Variants in PIK3C2G observed in about 807,000 individuals in gnomAD.
The protein encoded by PIK3C2G is phosphatidylinositol 3-kinase C2 domain-containing subunit gamma.
In PIK3C2G, 168 loss-of-function variants were observed where a neutral mutation model predicts 181.1. The ratio of observed to expected loss-of-function variants is 0.93; its 90% CI spans 0.82 to 1.05. PIK3C2G has a LOEUF of 1.05. PIK3C2G is among the 50% of genes least tolerant of loss of function. The pLI, the probability that PIK3C2G is intolerant of heterozygous loss-of-function variation, is 0.00. For missense variants in PIK3C2G, 1,869 were observed against 1,732.8 expected, an observed-to-expected ratio of 1.08 and a Z score of -1.40; for synonymous variants, 573 against 592.2, an observed-to-expected ratio of 0.97 and a Z score of 0.47.
At chr12:18,532,726 G>A (rs372947055) in intron 24 of PIK3C2G, among the ~76,000 whole-genome samples, 2 of 152,106 alleles carry the variant, frequency 1.3e-5, no homozygotes, top group Admixed American at 6.5e-5. Flanking sequence ...GTCTCTGACA[G>A]TACCCTGTGG....
intron 1 of PIK3C2G, among the ~76,000 whole-genome samples, chr12:18,279,816 T>C (rs1591813346): frequency 6.6e-6 from 1 of 152,168 alleles, no homozygotes; most frequent in East Asian, 1.9e-4. Context: ...TTGAGATTCA[T>C]TTTCTGGTTA....
intron 13 of PIK3C2G, among the ~76,000 whole-genome samples, chr12:18,373,569 G>C (rs769653818): frequency 7.2e-5 from 11 of 152,134 alleles, no homozygotes; most frequent in Non-Finnish European, 1.5e-4. Flanking sequence ...AAAAGTCTTG[G>C]CCGGGCACGG....
the PIK3C2G span, among the ~76,000 whole-genome samples, chr12:18,659,008 C>CT: frequency 6.6e-6 from 1 of 152,008 alleles, no homozygotes; most frequent in Non-Finnish European, 1.5e-5. Context: ...TGACTCAGTG[C>CT]TTTTTGGAGC....
intron 15 of PIK3C2G, among the ~76,000 whole-genome samples, chr12:18,398,312 T>C (rs140825925): frequency 2.6e-4 from 40 of 152,352 alleles, no homozygotes; most frequent in African/African-American, 9.4e-4. Flanking sequence ...AAATATGTTT[T>C]AGTAATTTTA....
At chr12:18,527,374 T>A (rs1433053567) in intron 24 of PIK3C2G, among the ~76,000 whole-genome samples, 1 of 152,168 alleles carries the variant, frequency 6.6e-6, no homozygotes, top group Non-Finnish European at 1.5e-5. Context: ...GGGGTTCAAT[T>A]TATTAAGAGA....
chr12:18,314,952 C>A (rs1280446460), intron 6 of PIK3C2G, among the ~76,000 whole-genome samples: 1 of 152,100 alleles, frequency 6.6e-6, no homozygotes. Flanking sequence ...CAGTTTCATG[C>A]TGTTAGATGC....
chr12:18,263,413 A>G (rs978121160), intron 1 of PIK3C2G, among the ~76,000 whole-genome samples: 1 of 152,124 alleles, frequency 6.6e-6, no homozygotes, highest in African/African-American at 2.4e-5. Context: ...TACTGGATAC[A>G]GTATCTTATA....
At position 18,362,893 on chromosome 12, in the gene PIK3C2G, T is replaced by A; in HGVS notation, c.1748+7T>A. ...TGGTCAACTGGAATGAAACGTAAGT[T>A]TAATCTTTACTGTATCTGGATCATT... On this transcript the variant is annotated splice_region_variant and intron_variant, in intron 12 of 32. Coordinates refer to ENST00000538779, the MANE Select transcript of PIK3C2G (RefSeq NM_001288772.2). The A allele has an allele frequency of 6.7e-7, 1 of 1,492,502 alleles. No individual in the cohort carries two copies. The highest frequency in any genetic ancestry group is 8.9e-7 in the Non-Finnish European group (1 of 1,125,616). The allele number at this position is 1,492,502 out of a possible 1,614,324, so 92.5% of individuals were successfully genotyped here. A position where few individuals can be genotyped will look rare whatever the true frequency, so the allele number is the denominator to read the frequency against.
At chr12:18,712,955 T>G in the PIK3C2G span, 1 of 1,613,872 alleles carries the variant, frequency 6.2e-7, no homozygotes. Flanking sequence ...CAGCAGTCAA[T>G]CTCCAAACAA....
intron 26 of PIK3C2G, among the ~76,000 whole-genome samples, chr12:18,554,623 C>T (rs1034378459): frequency 8.6e-5 from 13 of 151,988 alleles, no homozygotes; most frequent in African/African-American, 3.1e-4. Flanking sequence ...TGTCACTGAG[C>T]TCATTTAGGA....
At chr12:18,320,829 C>T (rs1316536232) in intron 6 of PIK3C2G, 133 bp from the exon 7 acceptor site, 1 of 600,690 alleles carries the variant, frequency 1.7e-6, no homozygotes, top group Non-Finnish European at 3.0e-6. Context: ...GTCTTTCAGA[C>T]AGAATATAAA....
rs138591242 is a variant in PIK3C2G at position 18,383,797 on chromosome 12, G to T, written c.1995+1917G>T. On this transcript the variant is annotated intron_variant, in intron 14 of 32. Transcript: ENST00000538779. Reference sequence around the variant, plus strand: ...ATCGGATATGTGAACACTTGTTTTGGTTTGGGTTTGGGTGTTTTTTTTTTG... The same window carrying T: ...ATCGGATATGTGAACACTTGTTTTGTTTTGGGTTTGGGTGTTTTTTTTTTG... Among the ~76,000 whole-genome samples, 59 of 151,184 alleles carry T rather than the reference G, an allele frequency of 3.9e-4. 1 individual carries two copies. The East Asian group carries it at 9.9e-3, about 25-fold the overall frequency.
intron 13 of PIK3C2G, among the ~76,000 whole-genome samples, chr12:18,381,071 C>T (rs1339053530): frequency 1.3e-5 from 2 of 152,110 alleles, no homozygotes; most frequent in Non-Finnish European, 2.9e-5. Flanking sequence ...TTTTTTAATT[C>T]ACATAAGGAT....
the PIK3C2G span, among the ~76,000 whole-genome samples, chr12:18,697,736 C>T: frequency 1.1e-4 from 16 of 151,866 alleles, no homozygotes; most frequent in Non-Finnish European, 2.1e-4. Flanking sequence ...TTTCACAAAC[C>T]GTTATCTTTA....
chr12:18,422,713 T>C (rs1407891814), intron 17 of PIK3C2G, among the ~76,000 whole-genome samples: 3 of 152,008 alleles, frequency 2.0e-5, no homozygotes, highest in Admixed American at 2.0e-4. Flanking sequence ...GGGTAACACA[T>C]AGATACTGGG....
At chr12:18,697,604 T>C in the PIK3C2G span, among the ~76,000 whole-genome samples, 4 of 152,134 alleles carry the variant, frequency 2.6e-5, no homozygotes, top group African/African-American at 9.7e-5. Context: ...TAGGAGGACA[T>C]CAAAGAACAA....
chr12:18,336,606 T>C (rs368484755), intron 8 of PIK3C2G, among the ~76,000 whole-genome samples: 5 of 152,182 alleles, frequency 3.3e-5, no homozygotes, highest in South Asian at 2.1e-4. Context: ...TTGACTTACA[T>C]TGAGTTCACA....
intron 13 of PIK3C2G, among the ~76,000 whole-genome samples, chr12:18,375,738 C>T (rs776699649): frequency 6.6e-6 from 1 of 152,210 alleles, no homozygotes; most frequent in East Asian, 1.9e-4. Flanking sequence ...GGACCTGAGG[C>T]CTAGGAGGAA....
chr12:18,692,529 T>C, the PIK3C2G span, among the ~76,000 whole-genome samples: 1 of 151,972 alleles, frequency 6.6e-6, no homozygotes, highest in Admixed American at 6.6e-5. Context: ...CAGGATGTGA[T>C]AAAATAAAAG....
Sources: allele counts gnomAD v4.1 joint callset (sites outside exome capture counted in the v4.1 genomes callset), GRCh38; gene constraint gnomAD v4.1.1; transcripts MANE v1.5; gene names NCBI Gene and HGNC (gene_info 2026-07-23, HGNC 2026-07-21).